The following PPP1R37 variants were observed in gnomAD, a reference collection of about 807,000 sequenced individuals.
PPP1R37 encodes the protein protein phosphatase 1 regulatory subunit 37.
Under a neutral mutation model 61.0 loss-of-function variants are expected in PPP1R37, and 21 were observed. That is an observed-to-expected ratio of 0.34 (90% CI 0.24 to 0.50). The LOEUF (loss-of-function observed/expected upper bound fraction) is 0.50. PPP1R37 is among the 20% of genes least tolerant of loss of function. The pLI is 0.98. For missense variants in PPP1R37, 910 were observed against 952.7 expected, an observed-to-expected ratio of 0.96 and a Z score of 0.59; for synonymous variants, 443 against 433.5, an observed-to-expected ratio of 1.02 and a Z score of -0.27.
At chr19:45,143,926 G>A (rs376527818) in intron 8 of PPP1R37, 27 of 210,398 alleles carry the variant, frequency 1.3e-4, no homozygotes, top group East Asian at 8.8e-4. Context: ...TCCAGCCCCC[G>A]CCTCCTGGGT....
intron 1 of PPP1R37, among the ~76,000 whole-genome samples, chr19:45,099,446 G>A (rs1395765997): frequency 3.3e-5 from 5 of 152,262 alleles, no homozygotes. Context: ...CTTTGGACAA[G>A]TTGCAGCTCC....
intron 1 of PPP1R37, among the ~76,000 whole-genome samples, chr19:45,115,540 C>T (rs1172264043): frequency 6.6e-6 from 1 of 152,164 alleles, no homozygotes; most frequent in Non-Finnish European, 1.5e-5. Context: ...CGAATCCCGG[C>T]TCTGACTTTT....
chr19:45,140,250 C>T lies in PPP1R37; in HGVS notation c.315C>T (p.Leu105=), dbSNP rs950601538. Residue 105 remains leucine, a synonymous_variant, in exon 3 of 13, where the codon CTC becomes CTT. Coordinates refer to ENST00000221462, the MANE Select transcript of PPP1R37 (RefSeq NM_019121.2). ...TACTTTCTCAGGAATTCACAGACCT[C>T]GGGCACCGCCTCGACTGTCTGGACC... ...LLRQLQEFTD[L]GHRLDCLDLK... is the part of the protein sequence containing the mutation. 13 of 1,535,980 alleles carry T rather than the reference C, an allele frequency of 8.5e-6. No individual in the cohort carries two copies. The highest frequency in any genetic ancestry group is 2.4e-5 in the East Asian group (1 of 40,938).
At chr19:45,099,267 A>G (rs1234762565) in intron 1 of PPP1R37, among the ~76,000 whole-genome samples, 1 of 152,216 alleles carries the variant, frequency 6.6e-6, no homozygotes, top group Non-Finnish European at 1.5e-5. Flanking sequence ...CCTGACCTCC[A>G]GGCCTGACTC....
chr19:45,107,280 G>A (rs1968144503), intron 1 of PPP1R37, among the ~76,000 whole-genome samples: 1 of 151,784 alleles, frequency 6.6e-6, no homozygotes, highest in Admixed American at 6.6e-5. Flanking sequence ...GACCAGCCTG[G>A]GCAACATAGC....
At position 45,141,315 on chromosome 19, in the gene PPP1R37, T is replaced by C. The variant is rs1568450285; in HGVS notation, c.448-7T>C. 1 of 1,533,896 alleles carries C rather than the reference T, an allele frequency of 6.5e-7. No individual in the cohort carries two copies. Among genetic ancestry groups the C allele is most frequent in the Non-Finnish European group, 8.7e-7 (1 of 1,145,888 alleles). On this transcript the variant is annotated splice_region_variant and splice_polypyrimidine_tract_variant and intron_variant, in intron 4 of 12. Transcript: ENST00000221462. The stretch of plus-strand genomic sequence containing the variant: ...CTGAGGCTGAGCCCCCGAATCTCTA[T>C]GCGCAGGGTGCCTCGGCCCTCTTCG...
intron 1 of PPP1R37, chr19:45,099,952 C>G (rs557244217): frequency 2.0e-5 from 3 of 152,244 alleles, no homozygotes; most frequent in Non-Finnish European, 4.4e-5. Context: ...GGTAACCAGC[C>G]TTCAGTGCGT....
rs1434053392 is a variant in PPP1R37 at position 45,145,587 on chromosome 19, T to C, written c.1531T>C (p.Ser511Pro). ...PSPDSDSDSD[S>P]DGEEEEEEEG... ...CCCGGACTCAGACTCAGACTCGGACTCGGATGGGGAGGAAGAGGAGGAAGA... is the reference window on the plus strand; with the variant it reads ...CCCGGACTCAGACTCAGACTCGGACCCGGATGGGGAGGAAGAGGAGGAAGA... The change falls in exon 11 of 13, where the codon TCG (serine) becomes CCG (proline). Residue 511 changes from serine (S) to proline (P), a missense_variant. Coordinates refer to ENST00000221462, the MANE Select transcript of PPP1R37 (RefSeq NM_019121.2). The C allele has an allele frequency of 6.5e-7, 1 of 1,535,526 alleles. No individual in the cohort carries two copies. Among genetic ancestry groups the C allele is most frequent in the African/African-American group, 1.4e-5 (1 of 72,806 alleles).
intron 1 of PPP1R37, among the ~76,000 whole-genome samples, chr19:45,109,577 A>G (rs1028381352): frequency 6.6e-6 from 1 of 152,196 alleles, no homozygotes; most frequent in Admixed American, 6.5e-5. Flanking sequence ...AGAAACTGCT[A>G]CTTGGGGTCA....
Position 45,130,240 on chromosome 19 carries a change from T to TC in PPP1R37, c.203-8270dup, listed in dbSNP as rs1867562661. Among the ~76,000 whole-genome samples, 1 of 151,916 alleles carries TC rather than the reference T, an allele frequency of 6.6e-6. No homozygotes were observed. The highest frequency in any genetic ancestry group is 1.5e-5 in the Non-Finnish European group (1 of 67,960). On this transcript the variant is annotated intron_variant, in intron 1 of 12. Coordinates refer to ENST00000221462, the MANE Select transcript of PPP1R37 (RefSeq NM_019121.2). This position sits in a 1 kb window ranked among gnomAD's most constrained non-coding sequence, Gnocchi z 4.4. Reference sequence around the variant, plus strand: ...CTGACTGCCAACCTGCACGATCAGGTCCCCTCCCCGTGAGTACTACAGGGG... The same window carrying TC: ...CTGACTGCCAACCTGCACGATCAGGTCCCCCTCCCCGTGAGTACTACAGGGG...
At chr19:45,129,635 G>A (rs144889652) in intron 1 of PPP1R37, among the ~76,000 whole-genome samples, 30 of 152,154 alleles carry the variant, frequency 2.0e-4, no homozygotes, top group Middle Eastern at 3.4e-3. Flanking sequence ...ATCAGAAAGC[G>A]GTGGATTCTG....
chr19:45,116,869 T>C (rs1356248176), intron 1 of PPP1R37, among the ~76,000 whole-genome samples: 1 of 150,320 alleles, frequency 6.7e-6, no homozygotes, highest in African/African-American at 2.4e-5. Context: ...ATGGGGGTGC[T>C]GCTACAGAAA....
At chr19:45,133,532 C>A (rs533970617) in intron 1 of PPP1R37, among the ~76,000 whole-genome samples, 3 of 152,240 alleles carry the variant, frequency 2.0e-5, no homozygotes, top group Admixed American at 6.5e-5. Context: ...TGTGCCCTAA[C>A]CACTGCGCAG....
At chr19:45,095,135 C>T (rs1406495889) in intron 1 of PPP1R37, among the ~76,000 whole-genome samples, 1 of 152,130 alleles carries the variant, frequency 6.6e-6, no homozygotes, top group East Asian at 1.9e-4. Flanking sequence ...GGGTGGGAAA[C>T]ATGGTAACTG....
chr19:45,094,728 CAAAG>C (rs1967970122), intron 1 of PPP1R37, among the ~76,000 whole-genome samples: 1 of 137,196 alleles, frequency 7.3e-6, no homozygotes, highest in South Asian at 2.3e-4. Flanking sequence ...AACTCCGGCT[CAAAG>C]AAAAAAAAAA....
chr19:45,098,953 T>A (rs528497214), intron 1 of PPP1R37, among the ~76,000 whole-genome samples: 8 of 152,274 alleles, frequency 5.3e-5, no homozygotes, highest in East Asian at 1.9e-4. Context: ...CCACGTGACT[T>A]TGGCGATTGT....
In PPP1R37 at chr19:45,116,169, C is replaced by T. The variant is rs1224603611; in HGVS notation, c.203-22345C>T. ...CCAATCTGCCTTGTTCCTTCCGTCC[C>T]AAGAGACTTGGAAAGCCATGAGTGT... On this transcript the variant is annotated intron_variant, in intron 1 of 12. Coordinates refer to ENST00000221462, the MANE Select transcript of PPP1R37 (RefSeq NM_019121.2). Among the ~76,000 whole-genome samples the T allele has an allele frequency of 6.6e-5, 10 of 152,202 alleles. No individual in the cohort carries two copies. The South Asian group carries it at 2.1e-3, about 31-fold the overall frequency.
In PPP1R37 at chr19:45,130,294, C is replaced by T. The variant is rs932885781; in HGVS notation, c.203-8220C>T. Among the ~76,000 whole-genome samples, 2 of 152,292 alleles carry T rather than the reference C, an allele frequency of 1.3e-5. No homozygotes were observed. Among genetic ancestry groups the T allele is most frequent in the East Asian group, 3.9e-4 (2 of 5,182 alleles). On this transcript the variant is annotated intron_variant, in intron 1 of 12. Coordinates refer to ENST00000221462, the MANE Select transcript of PPP1R37 (RefSeq NM_019121.2). This position sits in a 1 kb window ranked among gnomAD's most constrained non-coding sequence, Gnocchi z 4.4. ...CCACTCCTGCAGAATACAATCCTCCCATGAGCCTGAATCCATCCTGTTGCT... is the reference window on the plus strand; with the variant it reads ...CCACTCCTGCAGAATACAATCCTCCTATGAGCCTGAATCCATCCTGTTGCT...
chr19:45,094,792 A>G (rs1967971191), intron 1 of PPP1R37, among the ~76,000 whole-genome samples: 2 of 151,706 alleles, frequency 1.3e-5, no homozygotes, highest in Non-Finnish European at 2.9e-5. Flanking sequence ...GCTGGCCAGT[A>G]GCAGGTGAGA....
Sources: gnomAD v4.1 joint callset for allele counts (sites outside exome capture counted in the v4.1 genomes callset) on GRCh38, gnomAD v4.1.1 for gene constraint, Gnocchi (gnomAD v3.1) non-coding constraint, MANE v1.5 for transcripts, NCBI Gene and HGNC (gene_info 2026-07-23, HGNC 2026-07-21) for gene names.